The following LYPLA1 variants were observed in gnomAD, a reference collection of about 807,000 sequenced individuals.
LYPLA1 encodes acyl-protein thioesterase 1.
LYPLA1 carries 17 observed loss-of-function variants against 34.0 expected under a neutral mutation model. The ratio of observed to expected loss-of-function variants is 0.50; its 90% CI spans 0.34 to 0.75. The LOEUF is 0.75. LYPLA1 is among the 30% of genes least tolerant of loss of function. The pLI is 0.01. For synonymous variants in LYPLA1, 98 were observed against 100.8 expected, an observed-to-expected ratio of 0.97 and a Z score of 0.17; for missense variants, 203 against 288.8, an observed-to-expected ratio of 0.70 and a Z score of 2.15.
At chr8:54,099,468 A>C (rs1409182564) in intron 2 of LYPLA1, among the ~76,000 whole-genome samples, 4 of 152,134 alleles carry the variant, frequency 2.6e-5, no homozygotes, top group African/African-American at 7.2e-5. Context: ...ATTTGAGGTC[A>C]GGAGTTCGAG....
In LYPLA1 at chr8:54,064,776, T is replaced by C. The variant is rs148805293; in HGVS notation, c.167+972A>G. Among the ~76,000 whole-genome samples the C allele has an allele frequency of 1.8e-4, 28 of 152,222 alleles. 1 individual carries two copies. Among genetic ancestry groups the C allele is most frequent in the African/African-American group, 3.1e-4 (13 of 41,532 alleles). On this transcript the variant is annotated intron_variant, in intron 3 of 8. Transcript: ENST00000316963. ...AATCATTTGGTTTCCCTGGGCTACA[T>C]TGGAAGAAGAATTGTCTTGGGCCAC... is the stretch of plus-strand genomic sequence containing the variant.
chr8:54,101,317 T>C (rs1810126984), intron 1 of LYPLA1: 1 of 1,073,854 alleles, frequency 9.3e-7, no homozygotes, highest in Non-Finnish European at 1.1e-6. Context: ...TGACTTTTCA[T>C]ACACGAGTTT....
intron 2 of LYPLA1, among the ~76,000 whole-genome samples, chr8:54,100,046 C>T (rs1365881528): frequency 1.3e-5 from 2 of 152,148 alleles, no homozygotes; most frequent in South Asian, 2.1e-4. Flanking sequence ...ATTTATTTAT[C>T]TTCAGTTTTC....
chr8:54,096,308 T>C (rs1809676952), intron 2 of LYPLA1, among the ~76,000 whole-genome samples: 1 of 152,160 alleles, frequency 6.6e-6, no homozygotes, highest in Admixed American at 6.5e-5. Flanking sequence ...ATTAAATAAA[T>C]CTGAGTCCAG....
chr8:54,091,581 A>AAGACAAGGAAGGAAGG (rs1302206285), intron 2 of LYPLA1, among the ~76,000 whole-genome samples: 30 of 142,380 alleles, frequency 2.1e-4, no homozygotes, highest in African/African-American at 7.9e-4. Flanking sequence ...GAAAGAAAGA[A>AAGACAAGGAAGGAAGG]AAGGAAGGAA....
chr8:54,101,278 A>T, intron 1 of LYPLA1: 1 of 987,162 alleles, frequency 1.0e-6, no homozygotes, highest in Non-Finnish European at 1.2e-6. Flanking sequence ...TCCACTGCAA[A>T]AGCAAGCTTC....
rs1347000760 is a variant in LYPLA1 at position 54,072,017 on chromosome 8, G to A, written c.102-6204C>T. ...AGGGGTACAATAACCAAAACAGCAT[G>A]GTACTGGTACAAAAACAGACACATA... On this transcript the variant is annotated intron_variant, in intron 2 of 8. Transcript: ENST00000316963. Among the ~76,000 whole-genome samples, 3 of 151,986 alleles carry A rather than the reference G, an allele frequency of 2.0e-5. No homozygotes were observed. In the East Asian group the frequency reaches 5.8e-4, roughly 29 times the overall value.
At chr8:54,059,626 TAA>T (rs2129330440) in intron 5 of LYPLA1, among the ~76,000 whole-genome samples, 1 of 152,310 alleles carries the variant, frequency 6.6e-6, no homozygotes, top group Admixed American at 6.5e-5. Context: ...TTAAAGACCT[TAA>T]AGAGTTCTTT....
At chr8:54,085,853 T>C (rs189395934) in intron 2 of LYPLA1, among the ~76,000 whole-genome samples, 3,079 of 131,158 alleles carry the variant, frequency 0.023, 71 homozygotes, top group Middle Eastern at 0.041. Flanking sequence ...GTCCGCGAGG[T>C]GGGGGGGGCG....
rs371806468 is a variant in LYPLA1, at chr8:54,083,787, T to C, written c.101+17121A>G. On this transcript the variant is annotated intron_variant, in intron 2 of 8. Coordinates refer to ENST00000316963, the MANE Select transcript of LYPLA1 (RefSeq NM_006330.4). ...CACGCAGCAGCGAAAATGCATAGGATGCAGCAAAGGCAATGCTCAAATGGA... is the reference window on the plus strand; with the variant it reads ...CACGCAGCAGCGAAAATGCATAGGACGCAGCAAAGGCAATGCTCAAATGGA... Among the ~76,000 whole-genome samples the C allele has an allele frequency of 1.5e-3, 225 of 152,318 alleles. 1 individual carries two copies. The highest frequency in any genetic ancestry group is 5.2e-3 in the African/African-American group (217 of 41,572).
chr8:54,053,236 A>C, intron 6 of LYPLA1: 1 of 195,856 alleles, frequency 5.1e-6, no homozygotes, highest in South Asian at 9.5e-5. Flanking sequence ...CTGGGATTAC[A>C]GGCATGCACC....
chr8:54,044,160 C>T (rs190724657), downstream of LYPLA1, among the ~76,000 whole-genome samples: 196 of 152,008 alleles, frequency 1.3e-3, 1 homozygote, highest in African/African-American at 4.6e-3. Flanking sequence ...CCCAAAGTGC[C>T]GGTATTACAG....
chr8:54,052,831 A>G, intron 6 of LYPLA1, 75 bp from the exon 7 acceptor site: 1 of 875,250 alleles, frequency 1.1e-6, no homozygotes. Flanking sequence ...TCTTGTTACT[A>G]ATGATATCCA....
chr8:54,072,934 C>CAAAAAAA (rs59257354), intron 2 of LYPLA1, among the ~76,000 whole-genome samples: 2 of 91,720 alleles, frequency 2.2e-5, no homozygotes, highest in South Asian at 3.1e-4. Context: ...AAGACTGAAT[C>CAAAAAAA]AAAAAAAAAA....
intron 2 of LYPLA1, 42 bp from the exon 3 acceptor site, chr8:54,065,855 TA>T (rs1807024806): frequency 7.7e-7 from 1 of 1,295,332 alleles, no homozygotes; most frequent in African/African-American, 1.5e-5. Context: ...GACACTGTTT[TA>T]AATCCCAGTA....
intron 5 of LYPLA1, among the ~76,000 whole-genome samples, chr8:54,058,210 A>T (rs1465138497): frequency 6.6e-6 from 1 of 152,166 alleles, no homozygotes; most frequent in African/African-American, 2.4e-5. Context: ...ATGGTTTAAA[A>T]AGTGTTTAAA....
At chr8:54,091,345 G>A (rs575669940) in intron 2 of LYPLA1, among the ~76,000 whole-genome samples, 28 of 152,018 alleles carry the variant, frequency 1.8e-4, no homozygotes, top group East Asian at 7.8e-4. Flanking sequence ...AAAATTAGCC[G>A]GGCACAGTGG....
intron 2 of LYPLA1, among the ~76,000 whole-genome samples, chr8:54,070,105 G>A (rs1182015838): frequency 6.6e-6 from 1 of 152,188 alleles, no homozygotes; most frequent in African/African-American, 2.4e-5. Flanking sequence ...TAAATATGAA[G>A]TTACCATATC....
rs1344012743 is a variant in LYPLA1, at chr8:54,051,274, CAT to C, written c.463-88_463-87del. 4.5e-6 allele frequency: 5 copies of C among 1,121,418 alleles called. No individual in the cohort carries two copies. The African/African-American group carries it at 7.9e-5, about 18-fold the overall frequency. The allele number at this position is 1,121,418 out of a possible 1,614,324, so 69.5% of individuals were successfully genotyped here. A position where few individuals can be genotyped will look rare whatever the true frequency, so the allele number is the denominator to read the frequency against. Reference sequence around the variant, plus strand: ...GCATTTAAAATTGTACATAAATATGCATATATATAACATATTAGAAGTTACAT... The same window carrying C: ...GCATTTAAAATTGTACATAAATATGCATATATAACATATTAGAAGTTACAT... On this transcript the variant is annotated intron_variant, in intron 7 of 8. Transcript: ENST00000316963.
Sources: gnomAD v4.1 joint callset for allele counts (sites outside exome capture counted in the v4.1 genomes callset) on GRCh38, gnomAD v4.1.1 for gene constraint, MANE v1.5 for transcripts, NCBI Gene and HGNC (gene_info 2026-07-23, HGNC 2026-07-21) for gene names.